Variants in MAP4K1 observed in about 807,000 individuals in gnomAD.
MAP4K1 encodes the protein MAPK/ERK kinase kinase kinase 1.
A neutral mutation model predicts 122.8 loss-of-function variants in MAP4K1; 35 were observed. The ratio of observed to expected loss-of-function variants is 0.29; its 90% CI spans 0.22 to 0.38. MAP4K1 has a LOEUF of 0.38. Ranked by LOEUF, MAP4K1 falls within the 10% of genes least tolerant of loss-of-function variation. The pLI is 1.00. For missense variants in MAP4K1, 791 were observed against 1,072.6 expected, an observed-to-expected ratio of 0.74 and a Z score of 3.67; for synonymous variants, 412 against 421.3, an observed-to-expected ratio of 0.98 and a Z score of 0.27.
chr19:38,607,073 G>A (rs922209912), intron 16 of MAP4K1, among the ~76,000 whole-genome samples: 9 of 152,144 alleles, frequency 5.9e-5, no homozygotes, highest in African/African-American at 2.2e-4. Flanking sequence ...GCTGGAGGGT[G>A]GGTCTGGGGT....
intron 13 of MAP4K1, among the ~76,000 whole-genome samples, chr19:38,608,828 A>AAAAAAC (rs1555811720): frequency 2.2e-4 from 30 of 137,230 alleles, no homozygotes; most frequent in East Asian, 6.8e-4. Flanking sequence ...AAAAAAAAAA[A>AAAAAAC]ACATTAGCCA....
Position 38,605,827 on chromosome 19 carries a change from A to G in MAP4K1, c.1201-97T>C. On this transcript the variant is annotated intron_variant, in intron 17 of 30. Transcript: ENST00000396857. ...AGTCCCTGCCTCCACCAGAACTAAC[A>G]GCTGTGGCTCTGACCCACCCCCCCG... The G allele has an allele frequency of 2.4e-6, 3 of 1,246,044 alleles. No homozygotes were observed. In the South Asian group the frequency reaches 4.1e-5, roughly 17 times the overall value. The allele number at this position is 1,246,044 out of a possible 1,614,324, so 77.2% of individuals were successfully genotyped here. A position where few individuals can be genotyped will look rare whatever the true frequency, so the allele number is the denominator to read the frequency against.
At chr19:38,595,450 G>T (rs746876299) in intron 29 of MAP4K1, 35 bp downstream of exon 29, 2 of 1,607,796 alleles carry the variant, frequency 1.2e-6, no homozygotes, top group Middle Eastern at 1.7e-4. Flanking sequence ...GGAGGCTGGG[G>T]GGCAGTGATG....
chr19:38,600,013 G>A (rs773460106), intron 21 of MAP4K1, 28 bp from the exon 22 acceptor site: 2 of 1,614,114 alleles, frequency 1.2e-6, no homozygotes, highest in East Asian at 2.2e-5. Context: ...GATGGCTCTG[G>A]TGACACCCCA....
rs773052068 is a variant in MAP4K1 at position 38,587,813 on chromosome 19, C to T, written c.2401G>A (p.Val801Ile). Residue 801 changes from valine to isoleucine, a missense_variant, in exon 31 of 31, where the codon GTA becomes ATA. Val to Ile is a conservative substitution (Grantham distance 29, BLOSUM62 3). Coordinates refer to ENST00000396857, the MANE Select transcript of MAP4K1 (RefSeq NM_001042600.3). ...TFRLLGSPRP[V>I]VVETRPVDDP... ...TCCACTGGGCGTGTCTCCACCACTA[C>T]AGGCCTGTGGAAGGAAGAGATAAGT... 1 of 1,612,986 alleles carries T rather than the reference C, an allele frequency of 6.2e-7. No individual in the cohort carries two copies. Among genetic ancestry groups the T allele is most frequent in the Non-Finnish European group, 8.5e-7 (1 of 1,178,922 alleles).
chr19:38,617,299 G>A lies in MAP4K1; in HGVS notation c.248+55C>T, dbSNP rs1437490346. 1.7e-6 allele frequency: 2 copies of A among 1,203,696 alleles called. No individual in the cohort carries two copies. The highest frequency in any genetic ancestry group is 3.0e-5 in the African/African-American group (2 of 66,740). The allele number at this position is 1,203,696 out of a possible 1,614,324, so 74.6% of individuals were successfully genotyped here. ...CTGAGGGTACCCCCATCAAGAAATGGGGACTCCGGGTTAGGGGCTGGGCTG... is the reference window on the plus strand; with the variant it reads ...CTGAGGGTACCCCCATCAAGAAATGAGGACTCCGGGTTAGGGGCTGGGCTG... On this transcript the variant is annotated intron_variant, in intron 3 of 30. Transcript: ENST00000396857. The surrounding 1 kb of genome is among the most constrained non-coding windows in gnomAD (Gnocchi z 4.1).
At chr19:38,604,812 C>T (rs1431860660) in intron 19 of MAP4K1, among the ~76,000 whole-genome samples, 2 of 147,896 alleles carry the variant, frequency 1.4e-5, no homozygotes, top group East Asian at 2.0e-4. Context: ...GCATGCCAGA[C>T]GCGGTGGCTC....
At chr19:38,596,828 A>G (rs182676868) in intron 25 of MAP4K1, among the ~76,000 whole-genome samples, 224 of 152,198 alleles carry the variant, frequency 1.5e-3, no homozygotes, top group African/African-American at 5.2e-3. Context: ...AATTAGGCCC[A>G]GGTGTGAGGG....
chr19:38,588,464 G>T (rs950387483), intron 30 of MAP4K1, among the ~76,000 whole-genome samples: 1 of 152,052 alleles, frequency 6.6e-6, no homozygotes, highest in Admixed American at 6.6e-5. Flanking sequence ...GCCAAGGGGG[G>T]CAGATCACTT....
At chr19:38,598,376 T>C (rs1360641642) in intron 22 of MAP4K1, among the ~76,000 whole-genome samples, 1 of 152,148 alleles carries the variant, frequency 6.6e-6, no homozygotes, top group Non-Finnish European at 1.5e-5. Context: ...TCTTCCAGGC[T>C]GGAGTGCAGT....
At chr19:38,588,094 T>C (rs920268717) in intron 30 of MAP4K1, among the ~76,000 whole-genome samples, 6 of 152,068 alleles carry the variant, frequency 3.9e-5, no homozygotes, top group Admixed American at 6.6e-5. Flanking sequence ...TGGTGCAGCC[T>C]GAAGGGGGGT....
In MAP4K1 at chr19:38,597,294, ACT is replaced by A. The variant is rs761274286; in HGVS notation, c.1837+30_1837+31del. 1.5e-5 allele frequency: 24 copies of A among 1,612,826 alleles called. No homozygotes were observed. The African/African-American group carries it at 2.3e-4, about 15-fold the overall frequency. ...CCCCTCCTCTGGCCTGGCCCCGCCC[ACT>A]CTCTGCACACCCGTGAAGCTCTCTC... On this transcript the variant is annotated intron_variant, in intron 24 of 30. Transcript: ENST00000396857. The surrounding 1 kb of genome is among the most constrained non-coding windows in gnomAD (Gnocchi z 4.6).
chr19:38,611,279 C>A lies in MAP4K1; in HGVS notation c.692G>T (p.Gly231Val). 6.2e-7 allele frequency: 1 copy of A among 1,613,596 alleles called. No homozygotes were observed. The change falls in exon 10 of 31, where the codon GGC becomes GTC. Residue 231 changes from glycine to valine, a missense_variant. Physicochemically the swap from Gly to Val is moderately radical, Grantham distance 109 (BLOSUM62 -3). This residue lies in a region of MAP4K1 where 303 missense variants were observed against 344.8 expected (regional missense o/e 0.88). Coordinates refer to ENST00000396857, the MANE Select transcript of MAP4K1 (RefSeq NM_001042600.3). ...TTCCTTCAGTCGGGGAGGCTGGTAG[C>A]CACTCTTGGTCATGAGGAAGAGAAC... ...LRVLFLMTKS[G>V]YQPPRLKEKG...
Position 38,614,787 on chromosome 19 carries a change from T to A in MAP4K1, c.314-342A>T, listed in dbSNP as rs367915833. On this transcript the variant is annotated intron_variant, in intron 4 of 30. Coordinates refer to ENST00000396857, the MANE Select transcript of MAP4K1 (RefSeq NM_001042600.3). ...AAATACAAAAATTAGCCAGGCATAGTGGTGCATGCCTGTAATCCCAAGTAC... is the reference window on the plus strand; with the variant it reads ...AAATACAAAAATTAGCCAGGCATAGAGGTGCATGCCTGTAATCCCAAGTAC... The A allele has an allele frequency of 3.0e-4, 101 of 335,284 alleles. 1 individual carries two copies. In the East Asian group the frequency reaches 5.2e-3, roughly 17 times the overall value. The allele number at this position is 335,284 out of a possible 1,614,324, so 20.8% of individuals were successfully genotyped here.
chr19:38,614,298 G>C lies in MAP4K1; in HGVS notation c.370-6C>G. ...GAGTGCAAATAGGCCAGTCCCTGGG[G>C]AGAAGGGTGGACAAGGGGACAGTGA... On this transcript the variant is annotated splice_polypyrimidine_tract_variant and splice_region_variant and intron_variant, in intron 5 of 30. Transcript: ENST00000396857. 10 of 1,614,202 alleles carry C rather than the reference G, an allele frequency of 6.2e-6. No homozygotes were observed. The South Asian group carries it at 8.8e-5, about 14-fold the overall frequency.
At chr19:38,598,495 AT>A (rs934973864) in intron 22 of MAP4K1, among the ~76,000 whole-genome samples, 217 of 151,402 alleles carry the variant, frequency 1.4e-3, no homozygotes, top group African/African-American at 5.0e-3. Flanking sequence ...CACCCAGCTA[AT>A]TTTTTTTTAA....
chr19:38,603,131 C>CATATACAT (rs796661956), intron 19 of MAP4K1, among the ~76,000 whole-genome samples: 4,288 of 110,704 alleles, frequency 0.039, 916 homozygotes, highest in East Asian at 0.18. Context: ...CATATATACG[C>CATATACAT]ATATACATAT....
chr19:38,600,001 G>T lies in MAP4K1; in HGVS notation c.1609-16C>A, dbSNP rs1272556499. The T allele has an allele frequency of 1.2e-6, 2 of 1,614,062 alleles. No homozygotes were observed. The highest frequency in any genetic ancestry group is 1.7e-6 in the Non-Finnish European group (2 of 1,180,032). On this transcript the variant is annotated splice_polypyrimidine_tract_variant and intron_variant, in intron 21 of 30. Coordinates refer to ENST00000396857, the MANE Select transcript of MAP4K1 (RefSeq NM_001042600.3). ...TAGGAAAGAGCTGCAGGGAATGGGA[G>T]AGATGGCTCTGGTGACACCCCAGCA... is the stretch of plus-strand genomic sequence containing the variant.
intron 26 of MAP4K1, 84 bp downstream of exon 26, chr19:38,596,228 C>A (rs1433774134): frequency 1.4e-5 from 21 of 1,464,350 alleles, no homozygotes; most frequent in Non-Finnish European, 1.9e-5. Flanking sequence ...CCCGTAGTGC[C>A]TCAGGCTAAG....
Sources: gnomAD v4.1 joint callset for allele counts (sites outside exome capture counted in the v4.1 genomes callset) on GRCh38, gnomAD v4.1.1 for gene constraint, gnomAD v4.1.1 regional missense constraint, Gnocchi (gnomAD v3.1) non-coding constraint, MANE v1.5 for transcripts, NCBI Gene and HGNC (gene_info 2026-07-23, HGNC 2026-07-21) for gene names.